PMFBP1: variants seen among roughly 807,000 people sequenced by gnomAD.
The protein encoded by PMFBP1 is polyamine modulated factor 1 binding protein 1, also known as polyamine-modulated factor 1-binding protein 1.
In PMFBP1, 131 loss-of-function variants were observed where a neutral mutation model predicts 137.8. The ratio of observed to expected loss-of-function variants is 0.95; its 90% CI spans 0.82 to 1.10. The LOEUF is 1.10. Ranked by LOEUF, PMFBP1 falls within the 50% of genes least tolerant of loss-of-function variation. PMFBP1 has a pLI of 0.00. For missense variants in PMFBP1, 1,199 were observed against 1,175.4 expected (o/e 1.02, Z -0.29); for synonymous variants, 490 against 450.4 (o/e 1.09, Z -1.11).
the PMFBP1 span, among the ~76,000 whole-genome samples, chr16:72,232,751 G>C: frequency 6.6e-6 from 1 of 152,136 alleles, no homozygotes. Context: ...GAGGAGTGAA[G>C]ACTTCAGGGA....
intron 9 of PMFBP1, among the ~76,000 whole-genome samples, chr16:72,135,638 G>C (rs17667445): frequency 1.6e-5 from 2 of 123,430 alleles, no homozygotes; most frequent in African/African-American, 2.7e-5. Context: ...GCTTTTCCAA[G>C]AATTTGATTT....
At chr16:72,187,887 C>A in the PMFBP1 span, among the ~76,000 whole-genome samples, 2 of 152,202 alleles carry the variant, frequency 1.3e-5, no homozygotes, top group Non-Finnish European at 2.9e-5. Context: ...CCAAATGCAG[C>A]ATTTAATATC....
chr16:72,226,576 T>A, the PMFBP1 span, among the ~76,000 whole-genome samples: 2 of 152,210 alleles, frequency 1.3e-5, no homozygotes, highest in Admixed American at 6.5e-5. Flanking sequence ...GTCTCCATTA[T>A]ATATCATTTT....
At chr16:72,203,704 C>T in the PMFBP1 span, among the ~76,000 whole-genome samples, 2 of 152,054 alleles carry the variant, frequency 1.3e-5, no homozygotes, top group Non-Finnish European at 2.9e-5. Flanking sequence ...TCCTTGGTGC[C>T]CTGGTGTTCA....
chr16:72,123,569 C>T lies in PMFBP1; in HGVS notation c.2670G>A (p.Leu890=). Residue 890 remains leucine (L), a synonymous_variant, in exon 18 of 21, where the codon TTG becomes TTA. Transcript: ENST00000237353. Reference sequence around the variant, plus strand: ...ACTTCTGCTGTTTTGCCCATTGCTCCAAGTTGGTCATAATCTGATCATTCC... The same window carrying T: ...ACTTCTGCTGTTTTGCCCATTGCTCTAAGTTGGTCATAATCTGATCATTCC... The part of the protein sequence containing the change: ...YRGNDQIMTN[L]EQWAKQQKVA... The T allele has an allele frequency of 6.2e-7, 1 of 1,614,104 alleles. No individual in the cohort carries two copies. The highest frequency in any genetic ancestry group is 8.5e-7 in the Non-Finnish European group (1 of 1,179,966).
At chr16:72,194,519 T>C in the PMFBP1 span, among the ~76,000 whole-genome samples, 45 of 152,252 alleles carry the variant, frequency 3.0e-4, no homozygotes, top group African/African-American at 1.1e-3. Flanking sequence ...TAGTGCTATC[T>C]GTGTTTCTTA....
chr16:72,186,064 A>G, the PMFBP1 span, among the ~76,000 whole-genome samples: 396 of 152,274 alleles, frequency 2.6e-3, 2 homozygotes, highest in African/African-American at 9.3e-3. Flanking sequence ...GGAGGGGTCC[A>G]CCCATCATTC....
chr16:72,231,202 G>A, the PMFBP1 span, among the ~76,000 whole-genome samples: 4 of 152,140 alleles, frequency 2.6e-5, no homozygotes, highest in Non-Finnish European at 5.9e-5. Flanking sequence ...CTTTGTGAAC[G>A]TGGCAGGCAG....
intron 2 of PMFBP1, among the ~76,000 whole-genome samples, chr16:72,166,291 G>A (rs948960034): frequency 1.3e-5 from 2 of 152,122 alleles, no homozygotes; most frequent in African/African-American, 4.8e-5. Flanking sequence ...AGATCTGATA[G>A]TTTAAAAGTG....
At chr16:72,243,550 A>G in the PMFBP1 span, among the ~76,000 whole-genome samples, 1 of 152,140 alleles carries the variant, frequency 6.6e-6, no homozygotes, top group East Asian at 1.9e-4. Flanking sequence ...CTCTGCCTCC[A>G]TGTTTATTTC....
intron 2 of PMFBP1, among the ~76,000 whole-genome samples, chr16:72,166,272 G>C (rs1355525376): frequency 2.6e-5 from 4 of 152,060 alleles, no homozygotes; most frequent in Non-Finnish European, 5.9e-5. Context: ...TAGTGAGTGA[G>C]TTCTTACGAG....
chr16:72,161,839 C>T (rs565919812), intron 3 of PMFBP1, among the ~76,000 whole-genome samples: 1 of 152,054 alleles, frequency 6.6e-6, no homozygotes, highest in South Asian at 2.1e-4. Flanking sequence ...TTTTTTCATT[C>T]CCAATGATTC....
At position 72,128,021 on chromosome 16, in the gene PMFBP1, A is replaced by T. The variant is rs2042487988; in HGVS notation, c.2088+636T>A. 3.3e-5 allele frequency among the ~76,000 whole-genome samples: 5 copies of T among 152,338 alleles called. No individual in the cohort carries two copies. The South Asian group carries it at 1.0e-3, about 32-fold the overall frequency. ...GCTGGAGAAAGTATGGCTGCTTATG[A>T]TGAGGGAGAAAGGGAACAGGTGTTA... On this transcript the variant is annotated intron_variant, in intron 14 of 20. Transcript: ENST00000237353.
chr16:72,208,389 T>A, the PMFBP1 span, among the ~76,000 whole-genome samples: 1 of 152,206 alleles, frequency 6.6e-6, no homozygotes, highest in Admixed American at 6.5e-5. Flanking sequence ...TTTCTTTACA[T>A]GATAAAAGAG....
At chr16:72,187,037 C>T in the PMFBP1 span, among the ~76,000 whole-genome samples, 32 of 150,458 alleles carry the variant, frequency 2.1e-4, no homozygotes, top group South Asian at 6.3e-4. Context: ...CGCTTGAATC[C>T]GGGAGGTGGA....
chr16:72,179,385 C>A (rs958941130), upstream of PMFBP1, among the ~76,000 whole-genome samples: 17 of 152,256 alleles, frequency 1.1e-4, no homozygotes, highest in Middle Eastern at 0.01. Context: ...TTCTGTCAAA[C>A]GCCAGCTCAG....
the PMFBP1 span, among the ~76,000 whole-genome samples, chr16:72,226,051 T>C: frequency 6.6e-6 from 1 of 152,072 alleles, no homozygotes. Flanking sequence ...GTTCTTCCTA[T>C]GAGCACTTTA....
downstream of PMFBP1, among the ~76,000 whole-genome samples, chr16:72,118,263 C>T (rs1306294313): frequency 6.6e-6 from 1 of 152,100 alleles, no homozygotes; most frequent in Non-Finnish European, 1.5e-5. Flanking sequence ...TATTCTAAAC[C>T]ACATGGGGGA....
In PMFBP1 at chr16:72,130,255, C is replaced by T. The variant is rs775673902; in HGVS notation, c.1740G>A (p.Gln580=). ...KRQLQKTVAE[Q]DMKMNDMLDR... is the part of the protein sequence containing the mutation. The stretch of plus-strand genomic sequence containing the variant: ...CAAGCATGTCATTCATTTTCATATC[C>T]TGCTCAGCCACTGTCTTCTGAAGCT... The change falls in exon 12 of 21, where the codon CAG becomes CAA. Residue 580 remains glutamine, a synonymous_variant. Transcript: ENST00000237353. The T allele has an allele frequency of 1.2e-6, 2 of 1,614,024 alleles. No individual in the cohort carries two copies. Among genetic ancestry groups the T allele is most frequent in the African/African-American group, 2.7e-5 (2 of 74,942 alleles).
Sources: allele counts gnomAD v4.1 joint callset (sites outside exome capture counted in the v4.1 genomes callset), GRCh38; gene constraint gnomAD v4.1.1; transcripts MANE v1.5; gene names NCBI Gene and HGNC (gene_info 2026-07-23, HGNC 2026-07-21).